The following SACS variants were observed in gnomAD, a reference collection of about 807,000 sequenced individuals.
The protein encoded by SACS is sacsin.
In SACS, 197 loss-of-function variants were observed where a neutral mutation model predicts 348.0. The observed-to-expected ratio is 0.57, with a 90% confidence interval of 0.50 to 0.64. The LOEUF (loss-of-function observed/expected upper bound fraction) is 0.64. Ranked by LOEUF, SACS falls within the 30% of genes least tolerant of loss-of-function variation. SACS has a pLI of 0.00. For synonymous variants in SACS, 1,985 were observed against 1,910.6 expected, an observed-to-expected ratio of 1.04 and a Z score of -1.02; for missense variants, 4,999 against 5,360.8, an observed-to-expected ratio of 0.93 and a Z score of 2.11.
chr13:23,365,629 G>A (rs780133107), intron 5 of SACS, among the ~76,000 whole-genome samples: 1 of 152,048 alleles, frequency 6.6e-6, no homozygotes, highest in Non-Finnish European at 1.5e-5. Context: ...TGCACATATC[G>A]TCCTGTGTGG....
rs745704700 is a variant in SACS, at chr13:23,333,906, G to C, written c.9970C>G (p.Leu3324Val). 6 of 1,613,674 alleles carry C rather than the reference G, an allele frequency of 3.7e-6. No homozygotes were observed. Among genetic ancestry groups the C allele is most frequent in the Non-Finnish European group, 5.1e-6 (6 of 1,179,818 alleles). ...NAQSDKVFHA[L>V]MKAGCIQLAL... ...AGCTGAATACAGCCAGCTTTCATTAGAGCATGAAAAACTTTATCACTCTGG... is the reference window on the plus strand; with the variant it reads ...AGCTGAATACAGCCAGCTTTCATTACAGCATGAAAAACTTTATCACTCTGG... Residue 3324 changes from leucine (L) to valine (V), a missense_variant, in exon 10 of 10, where the codon CTA becomes GTA. By Grantham distance (32) the Leu-to-Val change is conservative. Transcript: ENST00000382292.
rs1869110166 is a variant in SACS, at chr13:23,340,550, T to C, written c.3326A>G (p.Lys1109Arg). The C allele has an allele frequency of 6.2e-7, 1 of 1,613,088 alleles. No homozygotes were observed. Among genetic ancestry groups the C allele is most frequent in the Non-Finnish European group, 8.5e-7 (1 of 1,179,776 alleles). The change falls in exon 10 of 10, where the codon AAA (lysine) becomes AGA (arginine). Residue 1109 changes from lysine to arginine, a missense_variant. Transcript: ENST00000382292. ...AGCACCGACCTGTAAGGCTTCAATT[T>C]TTTTTGCCACTTGCACAACATCCTT... The part of the protein sequence containing the change: ...KEKDVVQVAK[K>R]IEALQVGACP...
intron 2 of SACS, among the ~76,000 whole-genome samples, chr13:23,400,184 CA>C (rs1295118792): frequency 6.6e-6 from 1 of 152,102 alleles, no homozygotes; most frequent in Non-Finnish European, 1.5e-5. Flanking sequence ...TTTAGCAGGG[CA>C]ATTTCAAGGT....
intron 7 of SACS, among the ~76,000 whole-genome samples, chr13:23,357,941 C>T (rs1276760661): frequency 6.6e-6 from 1 of 152,152 alleles, no homozygotes; most frequent in Non-Finnish European, 1.5e-5. Flanking sequence ...CCTGTTTAAC[C>T]TTCTGATATT....
intron 2 of SACS, among the ~76,000 whole-genome samples, chr13:23,405,958 A>C (rs1873185676): frequency 6.6e-6 from 1 of 152,232 alleles, no homozygotes; most frequent in Admixed American, 6.5e-5. Context: ...AATTAGTTCA[A>C]CCATTGTGGA....
chr13:23,399,815 C>T (rs1593173220), intron 2 of SACS, among the ~76,000 whole-genome samples: 1 of 152,066 alleles, frequency 6.6e-6, no homozygotes, highest in African/African-American at 2.4e-5. Flanking sequence ...AGATAAGCCC[C>T]CTCCAGCCAG....
Position 23,340,404 on chromosome 13 carries a change from G to T in SACS, c.3472C>A (p.Pro1158Thr). The T allele has an allele frequency of 6.2e-7, 1 of 1,614,114 alleles. No homozygotes were observed. Among genetic ancestry groups the T allele is most frequent in the Non-Finnish European group, 8.5e-7 (1 of 1,180,004 alleles). ...KMTLKKIKWV[P>T]ACKERPPNYP... ...TTTGGAGGCCTTTCCTTGCAGGCTG[G>T]AACCCATTTTATTTTCTTCAATGTC... Residue 1158 changes from proline (P) to threonine (T), a missense_variant, in exon 10 of 10, where the codon CCA becomes ACA. Transcript: ENST00000382292.
In SACS at chr13:23,375,166, T is replaced by C. The variant is rs1238874773; in HGVS notation, c.124A>G (p.Thr42Ala). 4.0e-6 allele frequency: 6 copies of C among 1,504,768 alleles called. No homozygotes were observed. Among genetic ancestry groups the C allele is most frequent in the Middle Eastern group, 1.7e-4 (1 of 5,870 alleles). The allele number at this position is 1,504,768 out of a possible 1,614,324, so 93.2% of individuals were successfully genotyped here. Residue 42 changes from threonine to alanine, a missense_variant, in exon 3 of 10, where the codon ACT becomes GCT. Coordinates refer to ENST00000382292, the MANE Select transcript of SACS (RefSeq NM_014363.6). ...RDVKERIFAETGFPVSEQRLW... is the reference protein window; with the variant it reads ...RDVKERIFAEAGFPVSEQRLW... ...CGCTGCTCCGACACCGGGAAGCCAG[T>C]CTCCGCGAAGATACGTTCCTTCACA...
At chr13:23,388,801 G>C (rs1387492580) in intron 2 of SACS, among the ~76,000 whole-genome samples, 2 of 151,912 alleles carry the variant, frequency 1.3e-5, no homozygotes, top group African/African-American at 4.8e-5. Context: ...CTCAGGTGAT[G>C]AGTGCACTAA....
In SACS at chr13:23,338,714, G is replaced by A. The variant is rs751485703; in HGVS notation, c.5162C>T (p.Ser1721Phe). Reference sequence around the variant, plus strand: ...TAAGACAGGTGTGTTCAATGCTTTGGAAGAGCAGGATTTTTTTTTAATTAT... The same window carrying A: ...TAAGACAGGTGTGTTCAATGCTTTGAAAGAGCAGGATTTTTTTTTAATTAT... ...TVIIKKKSCS[S>F]KALNTPVLSV... The change falls in exon 10 of 10, where the codon TCC becomes TTC. Residue 1721 changes from serine to phenylalanine, a missense_variant. Physicochemically the swap from Ser to Phe is radical, Grantham distance 155 (BLOSUM62 -2). Coordinates refer to ENST00000382292, the MANE Select transcript of SACS (RefSeq NM_014363.6). 1.9e-6 allele frequency: 3 copies of A among 1,609,094 alleles called. No homozygotes were observed. The highest frequency in any genetic ancestry group is 2.7e-5 in the African/African-American group (2 of 74,446).
rs1201743952 is a variant in SACS, at chr13:23,329,213, TAAAA to T, written c.*919_*922del. The T allele has an allele frequency of 4.3e-6, 2 of 461,606 alleles. No individual in the cohort carries two copies. Among genetic ancestry groups the T allele is most frequent in the Non-Finnish European group, 7.5e-6 (2 of 265,812 alleles). The allele number at this position is 461,606 out of a possible 1,614,324, so 28.6% of individuals were successfully genotyped here. ...TAACAATTTTTGATGTTTTTAAAGT[TAAAA>T]AAACTCCACTACATGCCATATTGAA... On this transcript the variant is annotated 3_prime_UTR_variant, in exon 10 of 10. Transcript: ENST00000382292.
intron 3 of SACS, chr13:23,373,565 CGA>C (rs1225747087): frequency 2.0e-5 from 3 of 152,510 alleles, no homozygotes; most frequent in African/African-American, 4.9e-5. Context: ...ATCATGAGGT[CGA>C]GAGACTGAGA....
At chr13:23,387,834 G>C (rs2137886939) in intron 2 of SACS, among the ~76,000 whole-genome samples, 1 of 152,250 alleles carries the variant, frequency 6.6e-6, no homozygotes, top group Admixed American at 6.5e-5. Flanking sequence ...ATATGGCGGT[G>C]AGGTACTATT....
In SACS at chr13:23,341,291, G is replaced by A. The variant is rs776290829; in HGVS notation, c.2585C>T (p.Pro862Leu). 98 of 1,613,336 alleles carry A rather than the reference G, an allele frequency of 6.1e-5. No individual in the cohort carries two copies. The highest frequency in any genetic ancestry group is 1.2e-4 in the South Asian group (11 of 90,938). ...TGAATGAATATATTTTTTAATAAGC[G>A]GATGTTGTATAGATGCATCTAATTT... The part of the protein sequence containing the change: ...LKKLDASIQH[P>L]LIKKYIHSPL... Residue 862 changes from proline (P) to leucine (L), a missense_variant, in exon 10 of 10, where the codon CCG (proline) becomes CTG (leucine). This residue lies in a region of SACS where 3,156 missense variants were observed against 3,380.1 expected (regional missense o/e 0.93). Transcript: ENST00000382292.
intron 1 of SACS, among the ~76,000 whole-genome samples, chr13:23,417,775 A>C (rs1395504165): frequency 6.6e-6 from 1 of 152,170 alleles, no homozygotes; most frequent in African/African-American, 2.4e-5. Context: ...GATTGTTAAA[A>C]TCAAACTACA....
chr13:23,420,915 G>A (rs1873913002), intron 1 of SACS, among the ~76,000 whole-genome samples: 1 of 151,902 alleles, frequency 6.6e-6, no homozygotes, highest in Admixed American at 6.5e-5. Context: ...GTATTTACCT[G>A]GGGCCTCAGT....
chr13:23,386,806 G>C (rs1308554602), intron 2 of SACS, among the ~76,000 whole-genome samples: 1 of 152,090 alleles, frequency 6.6e-6, no homozygotes, highest in Non-Finnish European at 1.5e-5. Flanking sequence ...GGCCATTATA[G>C]GGTTACTAGT....
chr13:23,341,233 C>G lies in SACS; in HGVS notation c.2643G>C (p.Glu881Asp), dbSNP rs200517685. 115 of 1,614,050 alleles carry G rather than the reference C, an allele frequency of 7.1e-5. No homozygotes were observed. The East Asian group carries it at 2.5e-3, about 35-fold the overall frequency. Reference sequence around the variant, plus strand: ...TACACAATTTCTGCAATGGCATCTTCTCCATTATCTGCAAAACAGCACTTG... The same window carrying G: ...TACACAATTTCTGCAATGGCATCTTGTCCATTATCTGCAAAACAGCACTTG... ...PLPSAVLQIMEKMPLQKLCNQ... is the reference protein window; with the variant it reads ...PLPSAVLQIMDKMPLQKLCNQ... The change falls in exon 10 of 10, where the codon GAG becomes GAC. Residue 881 changes from glutamate to aspartate, a missense_variant. Physicochemically the swap from Glu to Asp is conservative, Grantham distance 45. Coordinates refer to ENST00000382292, the MANE Select transcript of SACS (RefSeq NM_014363.6).
At chr13:23,341,747 C>A in intron 9 of SACS, 57 bp from the exon 10 acceptor site, 46 of 894,914 alleles carry the variant, frequency 5.1e-5, no homozygotes, top group Middle Eastern at 3.0e-4. Context: ...CAACAGCTTT[C>A]TATTCTCACA....
Sources: allele counts gnomAD v4.1 joint callset (sites outside exome capture counted in the v4.1 genomes callset), GRCh38; gene constraint gnomAD v4.1.1; regional missense constraint gnomAD v4.1.1; transcripts MANE v1.5; gene names NCBI Gene and HGNC (gene_info 2026-07-23, HGNC 2026-07-21).